The following TMEM63B variants were observed in gnomAD, a reference collection of about 807,000 sequenced individuals.
TMEM63B encodes the protein mechanosensitive cation channel TMEM63B.
In TMEM63B, 23 loss-of-function variants were observed where a neutral mutation model predicts 102.6. The observed-to-expected ratio is 0.22, with a 90% CI of 0.16 to 0.32. The LOEUF (loss-of-function observed/expected upper bound fraction) is 0.32, where lower values mean the gene tolerates loss of function less well. Among genes scored for constraint, TMEM63B ranks in the 10% least tolerant of loss-of-function variants. TMEM63B has a pLI of 1.00. For synonymous variants in TMEM63B, 444 were observed against 437.0 expected (o/e 1.02, Z -0.20); for missense variants, 628 against 1,095.9 (o/e 0.57, Z 6.03).
At position 44,155,060 on chromosome 6, in the gene TMEM63B, C is replaced by T. The variant is rs1053643615; in HGVS notation, c.*177C>T. 2 of 618,992 alleles carry T rather than the reference C, an allele frequency of 3.2e-6. No homozygotes were observed. Among genetic ancestry groups the T allele is most frequent in the Non-Finnish European group, 5.0e-6 (2 of 397,524 alleles). The allele number at this position is 618,992 out of a possible 1,614,324, so 38.3% of individuals were successfully genotyped here. The stretch of plus-strand genomic sequence containing the variant: ...TCCCCCATGATGGAGGGAGGGAGCC[C>T]CCCAACCTCAGTGAGGAGAGCCCCG... On this transcript the variant is annotated 3_prime_UTR_variant, in exon 24 of 24. Transcript: ENST00000323267.
At position 44,140,282 on chromosome 6, in the gene TMEM63B, C is replaced by G. The variant is rs754148734; in HGVS notation, c.633C>G (p.Phe211Leu). Reference protein sequence around the residue: ...GNNLLWLHTSFAFLYLLLTVY... With the variant: ...GNNLLWLHTSLAFLYLLLTVY... ...ACCTGCTATGGCTGCACACCTCCTTCGCCTTCCTGTATCTGCTGCTCACCG... is the reference window on the plus strand; with the variant it reads ...ACCTGCTATGGCTGCACACCTCCTTGGCCTTCCTGTATCTGCTGCTCACCG... Residue 211 changes from phenylalanine to leucine, a missense_variant, in exon 9 of 24, where the codon TTC (phenylalanine) becomes TTG (leucine). Physicochemically the swap from Phe to Leu is conservative, Grantham distance 22. This residue lies in a region of TMEM63B where 336 missense variants were observed against 580.3 expected (regional missense o/e 0.58). Coordinates refer to ENST00000323267, the MANE Select transcript of TMEM63B (RefSeq NM_018426.3). The G allele has an allele frequency of 1.2e-6, 2 of 1,614,058 alleles. No individual in the cohort carries two copies. The highest frequency in any genetic ancestry group is 1.7e-6 in the Non-Finnish European group (2 of 1,179,970).
rs41282654 is a variant in TMEM63B at position 44,139,628 on chromosome 6, G to A, written c.550+19G>A. 568,776 of 1,613,952 alleles carry A rather than the reference G, an allele frequency of 0.35. 103,751 individuals are homozygous for A. Among genetic ancestry groups the A allele is most frequent in the Non-Finnish European group, 0.38 (446,814 of 1,179,938 alleles). ...CTGCTGGGTCAGTGAGGGCCAGGACGGCTAGGGTGGAGAGAGGATGGGGCT... is the reference window on the plus strand; with the variant it reads ...CTGCTGGGTCAGTGAGGGCCAGGACAGCTAGGGTGGAGAGAGGATGGGGCT... On this transcript the variant is annotated intron_variant, in intron 7 of 23. Transcript: ENST00000323267.
At position 44,142,760 on chromosome 6, in the gene TMEM63B, G is replaced by A. The variant is rs536002585; in HGVS notation, c.782+1662G>A. Among the ~76,000 whole-genome samples, 4 of 152,030 alleles carry A rather than the reference G, an allele frequency of 2.6e-5. No homozygotes were observed. The South Asian group carries it at 6.2e-4, about 24-fold the overall frequency. ...AATCAGGGTTTAGGCCAGGTGTGGT[G>A]GCTCATGCCTGTAATCCCCTTGAGA... On this transcript the variant is annotated intron_variant, in intron 10 of 23. Coordinates refer to ENST00000323267, the MANE Select transcript of TMEM63B (RefSeq NM_018426.3).
At position 44,135,336 on chromosome 6, in the gene TMEM63B, G is replaced by T. The variant is rs146320190; in HGVS notation, c.248G>T (p.Arg83Leu). Residue 83 changes from arginine to leucine, a missense_variant, in exon 4 of 24, where the codon CGG (arginine) becomes CTG (leucine). Around this residue, in one of 6 missense-constraint regions of TMEM63B, gnomAD observed 336 missense variants for 580.3 expected, o/e 0.58. Transcript: ENST00000323267. ...ALVTDADRLR[R>L]QERDRVEQEY... ...CTGTTCTCTGTCCCCAGGCTTCGGC[G>T]GCAGGAGAGGGACCGAGTGGAACAG... The T allele has an allele frequency of 1.2e-6, 2 of 1,612,934 alleles. No homozygotes were observed. The highest frequency in any genetic ancestry group is 1.7e-6 in the Non-Finnish European group (2 of 1,179,402).
chr6:44,151,852 G>A lies in TMEM63B; in HGVS notation c.1680G>A (p.Val560=). The change falls in exon 19 of 24, where the codon GTG becomes GTA. Residue 560 remains valine, a synonymous_variant. Transcript: ENST00000323267. ...LAEAAIRFEC[V]FLPDNGAFFV... ...GAGCACCTGGTGCCCGCAGGTGTGT[G>A]TTCCTGCCCGACAACGGCGCCTTCT... The A allele has an allele frequency of 6.2e-7, 1 of 1,610,620 alleles. No homozygotes were observed. The highest frequency in any genetic ancestry group is 8.5e-7 in the Non-Finnish European group (1 of 1,178,580).
At chr6:44,132,497 G>A (rs1406412607) in intron 1 of TMEM63B, among the ~76,000 whole-genome samples, 1 of 152,220 alleles carries the variant, frequency 6.6e-6, no homozygotes, top group Non-Finnish European at 1.5e-5. Flanking sequence ...TGGGAATAGA[G>A]TGTTGAGATT....
At chr6:44,136,180 A>G (rs185952206) in intron 4 of TMEM63B, among the ~76,000 whole-genome samples, 169 bp from the exon 5 acceptor site, 1 of 152,076 alleles carries the variant, frequency 6.6e-6, no homozygotes, top group Non-Finnish European at 1.5e-5. Flanking sequence ...AGGAAGAGGC[A>G]TATTTGAGGG....
In TMEM63B at chr6:44,152,527, T is replaced by A. The variant is rs917205050; in HGVS notation, c.1837-66T>A. ...AGGTCCTGGCTCCCTTCCCCCTCCCTCCTTCCCTGCCCCTCTGGTCAGTCC... is the reference window on the plus strand; with the variant it reads ...AGGTCCTGGCTCCCTTCCCCCTCCCACCTTCCCTGCCCCTCTGGTCAGTCC... On this transcript the variant is annotated intron_variant, in intron 19 of 23. Transcript: ENST00000323267. This position sits in a 1 kb window ranked among gnomAD's most constrained non-coding sequence, Gnocchi z 6.4. The A allele has an allele frequency of 4.8e-6, 5 of 1,035,894 alleles. No individual in the cohort carries two copies. The highest frequency in any genetic ancestry group is 7.4e-6 in the Non-Finnish European group (5 of 676,992). 64.2% of individuals were successfully genotyped at this position (1,035,894 alleles called of 1,614,324 possible). A position where few individuals can be genotyped will look rare whatever the true frequency, so the allele number is the denominator to read the frequency against.
chr6:44,135,376 G>A lies in TMEM63B; in HGVS notation c.278+10G>A, dbSNP rs1223478335. The A allele has an allele frequency of 6.2e-7, 1 of 1,608,410 alleles. No individual in the cohort carries two copies. The highest frequency in any genetic ancestry group is 2.2e-5 in the East Asian group (1 of 44,740). On this transcript the variant is annotated intron_variant, in intron 4 of 23. Transcript: ENST00000323267. ...GAGTGGAACAGGAATAGTATGTGGG[G>A]CACCAGCCCCCTCATTCCCACTAAA... is the stretch of plus-strand genomic sequence containing the variant.
At chr6:44,136,782 C>G (rs1041059121) in intron 5 of TMEM63B, among the ~76,000 whole-genome samples, 11 of 152,262 alleles carry the variant, frequency 7.2e-5, no homozygotes, top group Non-Finnish European at 1.6e-4. Flanking sequence ...GCCCTTGGCT[C>G]ACGCCTGTAA....
chr6:44,153,550 C>A, intron 20 of TMEM63B, 126 bp from the exon 21 acceptor site: 2 of 1,143,622 alleles, frequency 1.7e-6, no homozygotes, highest in Non-Finnish European at 2.4e-6. Context: ...CTATCCCGTC[C>A]TGGGGCCCGG....
chr6:44,143,441 T>G (rs1044554832), intron 10 of TMEM63B, among the ~76,000 whole-genome samples: 1 of 152,214 alleles, frequency 6.6e-6, no homozygotes, highest in African/African-American at 2.4e-5. Flanking sequence ...AAGGACAGTG[T>G]GTACTCAGAA....
chr6:44,149,947 T>C lies in TMEM63B; in HGVS notation c.1502T>C (p.Phe501Ser). ...ACCATCGTCTACTACTCAGCCTTCT[T>C]TGAAGCCCACTGGACACGGTAAGGT... ...LPTIVYYSAFFEAHWTRSGEN... is the reference protein window; with the variant it reads ...LPTIVYYSAFSEAHWTRSGEN... The change falls in exon 16 of 24, where the codon TTT becomes TCT. Residue 501 changes from phenylalanine (F) to serine (S), a missense_variant. Transcript: ENST00000323267. 6.2e-7 allele frequency: 1 copy of C among 1,613,554 alleles called. No homozygotes were observed. The highest frequency in any genetic ancestry group is 8.5e-7 in the Non-Finnish European group (1 of 1,179,814).
rs779956715 is a variant in TMEM63B at position 44,148,463 on chromosome 6, G to A, written c.1122-50G>A. ...CCCCTGTGCTCATGGCCTTCTGCCA[G>A]CAGTGTGGCCTCCAGGTGGGCCTGT... On this transcript the variant is annotated intron_variant, in intron 13 of 23. Transcript: ENST00000323267. This position sits in a 1 kb window ranked among gnomAD's most constrained non-coding sequence, Gnocchi z 5.1. The A allele has an allele frequency of 6.2e-7, 1 of 1,612,562 alleles. No homozygotes were observed. Among genetic ancestry groups the A allele is most frequent in the Non-Finnish European group, 8.5e-7 (1 of 1,178,862 alleles).
At chr6:44,127,487 CG>C (rs1777352387), upstream of TMEM63B, 1 of 151,498 alleles carries the variant, frequency 6.6e-6, no homozygotes, top group Non-Finnish European at 1.5e-5. Context: ...TTGCGTGCGC[CG>C]GCGTGCGGGG....
chr6:44,154,585 C>A, intron 23 of TMEM63B, 107 bp from the exon 24 acceptor site: 1 of 1,445,522 alleles, frequency 6.9e-7, no homozygotes. Context: ...GAGGGCTGCC[C>A]CCGCCCCCCA....
Position 44,152,543 on chromosome 6 carries a change from T to A in TMEM63B, c.1837-50T>A. Reference sequence around the variant, plus strand: ...CCCCCTCCCTCCTTCCCTGCCCCTCTGGTCAGTCCCTGCCTCCCTGAGCCA... The same window carrying A: ...CCCCCTCCCTCCTTCCCTGCCCCTCAGGTCAGTCCCTGCCTCCCTGAGCCA... On this transcript the variant is annotated intron_variant, in intron 19 of 23. Coordinates refer to ENST00000323267, the MANE Select transcript of TMEM63B (RefSeq NM_018426.3). The surrounding 1 kb of genome is among the most constrained non-coding windows in gnomAD (Gnocchi z 6.4). 7.7e-7 allele frequency: 1 copy of A among 1,303,670 alleles called. No homozygotes were observed. Among genetic ancestry groups the A allele is most frequent in the Non-Finnish European group, 1.1e-6 (1 of 909,064 alleles). 80.8% of individuals were successfully genotyped at this position (1,303,670 alleles called of 1,614,324 possible).
intron 10 of TMEM63B, among the ~76,000 whole-genome samples, chr6:44,144,485 A>G (rs1764938806): frequency 6.6e-6 from 1 of 152,178 alleles, no homozygotes; most frequent in Non-Finnish European, 1.5e-5. Context: ...CAAGGACCCT[A>G]TCCCAGATTT....
At chr6:44,133,497 C>G (rs1762337692) in intron 1 of TMEM63B, among the ~76,000 whole-genome samples, 1 of 152,192 alleles carries the variant, frequency 6.6e-6, no homozygotes, top group African/African-American at 2.4e-5. Flanking sequence ...AAGGGTCCCC[C>G]AGGGACCCCC....
Sources: gnomAD v4.1 joint callset for allele counts (sites outside exome capture counted in the v4.1 genomes callset) on GRCh38, gnomAD v4.1.1 for gene constraint, gnomAD v4.1.1 regional missense constraint, Gnocchi (gnomAD v3.1) non-coding constraint, MANE v1.5 for transcripts, NCBI Gene and HGNC (gene_info 2026-07-23, HGNC 2026-07-21) for gene names.